The following SLC39A14 variants were observed in gnomAD, a reference collection of about 807,000 sequenced individuals.
SLC39A14 encodes metal cation symporter ZIP14.
Under a neutral mutation model 45.5 loss-of-function variants are expected in SLC39A14, and 19 were observed. The observed-to-expected ratio is 0.42, with a 90% CI of 0.29 to 0.61. The LOEUF is 0.61. SLC39A14 is among the 20% of genes least tolerant of loss of function. The probability of loss-of-function intolerance (pLI) is 0.22; values close to 1 mark genes in which losing one functional copy is unlikely to be tolerated. For synonymous variants in SLC39A14, 264 were observed against 251.3 expected (o/e 1.05, Z -0.48); for missense variants, 447 against 616.5 (o/e 0.73, Z 2.91).
At chr8:22,393,804 C>T (rs1049870486) in intron 1 of SLC39A14, among the ~76,000 whole-genome samples, 1 of 151,996 alleles carries the variant, frequency 6.6e-6, no homozygotes, top group Non-Finnish European at 1.5e-5. Flanking sequence ...TCCTCAGTAG[C>T]GGGGACTACA....
chr8:22,415,159 T>C (rs1304494638), intron 5 of SLC39A14: 1 of 432,646 alleles, frequency 2.3e-6, no homozygotes, highest in Non-Finnish European at 4.1e-6. Context: ...GTTCTAAGAT[T>C]ATTTCCTTAA....
At position 22,421,999 on chromosome 8, in the gene SLC39A14, C is replaced by T. The variant is rs1836255955; in HGVS notation, c.*2301C>T. 4.1e-6 allele frequency: 4 copies of T among 985,458 alleles called. No individual in the cohort carries two copies. Among genetic ancestry groups the T allele is most frequent in the Non-Finnish European group, 4.8e-6 (4 of 829,924 alleles). 61.0% of individuals were successfully genotyped at this position (985,458 alleles called of 1,614,324 possible). ...GGAGCTTAGGAGGGGCGGAGACGCT[C>T]ACATCGTCTGACTTGAGTCGCCACT... On this transcript the variant is annotated 3_prime_UTR_variant, in exon 9 of 9. Transcript: ENST00000381237.
chr8:22,398,692 T>C, intron 1 of SLC39A14: 1 of 984,186 alleles, frequency 1.0e-6, no homozygotes, highest in Non-Finnish European at 1.2e-6. Flanking sequence ...AGAGGGGAGG[T>C]GGGCTTAGAA....
chr8:22,370,933 G>C (rs1249793738), intron 1 of SLC39A14, among the ~76,000 whole-genome samples: 2 of 152,174 alleles, frequency 1.3e-5, no homozygotes, highest in African/African-American at 2.4e-5. Flanking sequence ...CCCATCGACT[G>C]TCGCCAGCCA....
At chr8:22,427,333 T>C (rs1410219610), downstream of SLC39A14, among the ~76,000 whole-genome samples, 3 of 152,134 alleles carry the variant, frequency 2.0e-5, no homozygotes, top group African/African-American at 7.2e-5. Flanking sequence ...TTCCTGCGTT[T>C]GGCTAACATT....
At chr8:22,384,853 C>G (rs1833705061) in intron 1 of SLC39A14, among the ~76,000 whole-genome samples, 1 of 151,868 alleles carries the variant, frequency 6.6e-6, no homozygotes, top group Non-Finnish European at 1.5e-5. Flanking sequence ...AGTTTCAGAC[C>G]AGCGTCACCA....
chr8:22,413,980 T>G (rs951917175), intron 4 of SLC39A14, among the ~76,000 whole-genome samples: 2 of 151,930 alleles, frequency 1.3e-5, no homozygotes, highest in Non-Finnish European at 2.9e-5. Context: ...GGTTTCGCCA[T>G]GTTGGCCAGG....
At position 22,419,662 on chromosome 8, in the gene SLC39A14, C is replaced by T. The variant is rs1241626365; in HGVS notation, c.1443C>T (p.Val481=). The stretch of plus-strand genomic sequence containing the variant: ...TGACTGGATTCACCATCATGGTGGT[C>T]CTCACCATGTATTCAGGACAGATCC... The part of the protein sequence containing the change: ...GLLTGFTIMV[V]LTMYSGQIQI... Residue 481 remains valine (V), a synonymous_variant, in exon 9 of 9, where the codon GTC becomes GTT. Coordinates refer to ENST00000381237, the MANE Select transcript of SLC39A14 (RefSeq NM_001128431.4). The T allele has an allele frequency of 6.2e-7, 1 of 1,613,634 alleles. No individual in the cohort carries two copies. The highest frequency in any genetic ancestry group is 1.7e-5 in the Admixed American group (1 of 59,974).
chr8:22,397,554 G>A (rs971171447), intron 1 of SLC39A14, among the ~76,000 whole-genome samples: 8 of 151,926 alleles, frequency 5.3e-5, no homozygotes, highest in African/African-American at 1.7e-4. Context: ...CTCCGGCCTG[G>A]GCGAAAGAGC....
At chr8:22,422,762 G>A, downstream of SLC39A14, 2 of 968,482 alleles carry the variant, frequency 2.1e-6, no homozygotes, top group Non-Finnish European at 2.5e-6. Context: ...GTGTCTCACT[G>A]ACGTACAAAG....
At chr8:22,400,761 G>A (rs978635267) in intron 1 of SLC39A14, among the ~76,000 whole-genome samples, 1 of 152,214 alleles carries the variant, frequency 6.6e-6, no homozygotes, top group East Asian at 1.9e-4. Context: ...GTGTATCACA[G>A]TAGGGGACTT....
intron 8 of SLC39A14, among the ~76,000 whole-genome samples, chr8:22,432,471 T>C (rs1016356798): frequency 3.3e-5 from 5 of 151,560 alleles, no homozygotes; most frequent in Non-Finnish European, 7.4e-5. Flanking sequence ...TCTCTCTCTC[T>C]CTCTTTTTCT....
intron 1 of SLC39A14, among the ~76,000 whole-genome samples, chr8:22,379,786 G>C (rs1833402489): frequency 6.6e-6 from 1 of 151,880 alleles, no homozygotes; most frequent in South Asian, 2.1e-4. Context: ...AAAATTAGCT[G>C]GGGGTGGTGG....
rs1836167897 is a variant in SLC39A14, at chr8:22,420,561, A to G, written c.*863A>G. The stretch of plus-strand genomic sequence containing the variant: ...CTAAGAGACTTTGTAGCTGCCTCCT[A>G]GAAGCACATTCTGAGCACATTTGAG... On this transcript the variant is annotated 3_prime_UTR_variant, in exon 9 of 9. Coordinates refer to ENST00000381237, the MANE Select transcript of SLC39A14 (RefSeq NM_001128431.4). 1 of 985,414 alleles carries G rather than the reference A, an allele frequency of 1.0e-6. No homozygotes were observed. Among genetic ancestry groups the G allele is most frequent in the Non-Finnish European group, 1.2e-6 (1 of 829,940 alleles). The allele number at this position is 985,414 out of a possible 1,614,324, so 61.0% of individuals were successfully genotyped here.
intron 1 of SLC39A14, among the ~76,000 whole-genome samples, chr8:22,373,812 G>A (rs1384625611): frequency 1.3e-5 from 2 of 150,600 alleles, no homozygotes; most frequent in African/African-American, 4.9e-5. Flanking sequence ...TCACCCAGGC[G>A]GGAGTGCAGT....
downstream of SLC39A14, among the ~76,000 whole-genome samples, chr8:22,423,185 C>T (rs535159573): frequency 1.3e-5 from 2 of 152,114 alleles, no homozygotes; most frequent in East Asian, 3.9e-4. Flanking sequence ...ACTCTGTCAC[C>T]CAGGCTGGAA....
At position 22,367,337 on chromosome 8, in the gene SLC39A14, CT is replaced by C. The variant is rs1832690786; in HGVS notation, c.-85del. ...CTACGCGGACGCACCGGCTAAGCTG[CT>C]TCTGCCGCCGCCGGCCGCCTGGGAC... On this transcript the variant is annotated 5_prime_UTR_variant, in exon 1 of 9. Coordinates refer to ENST00000381237, the MANE Select transcript of SLC39A14 (RefSeq NM_001128431.4). The surrounding 1 kb of genome is among the most constrained non-coding windows in gnomAD (Gnocchi z 4.2). The C allele has an allele frequency of 6.6e-6, 1 of 151,904 alleles. No individual in the cohort carries two copies. Among genetic ancestry groups the C allele is most frequent in the African/African-American group, 2.4e-5 (1 of 41,412 alleles). The allele number at this position is 151,904 out of a possible 1,614,324, so 9.4% of individuals were successfully genotyped here. A position where few individuals can be genotyped will look rare whatever the true frequency, so the allele number is the denominator to read the frequency against.
At chr8:22,383,214 C>T (rs915758546) in intron 1 of SLC39A14, among the ~76,000 whole-genome samples, 5 of 152,144 alleles carry the variant, frequency 3.3e-5, no homozygotes, top group African/African-American at 4.8e-5. Flanking sequence ...GCAGGGACTG[C>T]CTCCCAGCCA....
At chr8:22,388,887 A>G (rs1359681310) in intron 1 of SLC39A14, among the ~76,000 whole-genome samples, 1 of 152,068 alleles carries the variant, frequency 6.6e-6, no homozygotes, top group Admixed American at 6.5e-5. Context: ...TCTTTCAGTA[A>G]CCCTCTTTCT....
Sources: allele counts gnomAD v4.1 joint callset (sites outside exome capture counted in the v4.1 genomes callset), GRCh38; gene constraint gnomAD v4.1.1; non-coding constraint Gnocchi (gnomAD v3.1); transcripts MANE v1.5; gene names NCBI Gene and HGNC (gene_info 2026-07-23, HGNC 2026-07-21).